LOC400499: variants seen among roughly 807,000 people sequenced by gnomAD.
At chr16:11,481,240 C>CT in the LOC400499 span, among the ~76,000 whole-genome samples, 1 of 152,158 alleles carries the variant, frequency 6.6e-6, no homozygotes, top group Non-Finnish European at 1.5e-5. Context: ...TGCAGTGTCT[C>CT]TTTTGGGGGT....
the LOC400499 span, among the ~76,000 whole-genome samples, chr16:11,452,608 C>A: frequency 3.3e-5 from 5 of 152,238 alleles, no homozygotes; most frequent in South Asian, 1.0e-3. Flanking sequence ...TGCATCTGCC[C>A]AGGCAGGACC....
At chr16:11,498,505 TTAAA>T in the LOC400499 span, among the ~76,000 whole-genome samples, 15 of 151,464 alleles carry the variant, frequency 9.9e-5, no homozygotes, top group Middle Eastern at 3.4e-3. Context: ...GATTAAATAA[TTAAA>T]TAAATAAATA....
the LOC400499 span, among the ~76,000 whole-genome samples, chr16:11,463,573 C>T: frequency 7.9e-5 from 12 of 151,444 alleles, no homozygotes; most frequent in Admixed American, 6.6e-4. Context: ...CGTATGTATA[C>T]GGATGTGTAA....
At chr16:11,518,493 TC>T in the LOC400499 span, among the ~76,000 whole-genome samples, 1 of 151,928 alleles carries the variant, frequency 6.6e-6, no homozygotes, top group Non-Finnish European at 1.5e-5. Context: ...GGCCCGGCAG[TC>T]CCATTAGCCG....
chr16:11,517,040 G>A, the LOC400499 span, among the ~76,000 whole-genome samples: 2 of 152,144 alleles, frequency 1.3e-5, no homozygotes, highest in African/African-American at 4.8e-5. Flanking sequence ...CCTAAAGACA[G>A]ATCCTCCAAA....
At chr16:11,461,109 C>T in the LOC400499 span, 1 of 1,535,122 alleles carries the variant, frequency 6.5e-7, no homozygotes, top group African/African-American at 1.4e-5. Flanking sequence ...CCTCCTTCCT[C>T]TCCAGCAGTG....
chr16:11,432,812 C>A, the LOC400499 span, among the ~76,000 whole-genome samples: 1 of 152,202 alleles, frequency 6.6e-6, no homozygotes, highest in African/African-American at 2.4e-5. Context: ...GCAAATACTA[C>A]TACTTGTTGG....
the LOC400499 span, among the ~76,000 whole-genome samples, chr16:11,497,011 A>C: frequency 1.4e-4 from 21 of 151,296 alleles, no homozygotes; most frequent in South Asian, 4.4e-3. Flanking sequence ...CCTCAGTGTG[A>C]GCCTGCAACA....
chr16:11,483,887 GCT>G, the LOC400499 span, among the ~76,000 whole-genome samples: 346 of 150,716 alleles, frequency 2.3e-3, 3 homozygotes, highest in African/African-American at 8.2e-3. Context: ...AAAAGGACAT[GCT>G]GTGTGATCTA....
chr16:11,377,557 C>G, the LOC400499 span, among the ~76,000 whole-genome samples: 55,009 of 152,108 alleles, frequency 0.36, 10,250 homozygotes, highest in Non-Finnish European at 0.41. Context: ...TCTTCACTAA[C>G]TGAAATAGTC....
chr16:11,488,339 C>CA, the LOC400499 span, among the ~76,000 whole-genome samples: 10 of 150,762 alleles, frequency 6.6e-5, no homozygotes, highest in South Asian at 6.3e-4. Flanking sequence ...TTCTGTCTTC[C>CA]AAAAAAAGCA....
chr16:11,521,631 T>C, the LOC400499 span, among the ~76,000 whole-genome samples: 12 of 152,308 alleles, frequency 7.9e-5, no homozygotes, highest in African/African-American at 2.9e-4. Flanking sequence ...CTTGCAGACA[T>C]GGCTCTCAGT....
the LOC400499 span, among the ~76,000 whole-genome samples, chr16:11,465,745 C>G: frequency 7.1e-6 from 1 of 141,534 alleles, no homozygotes; most frequent in South Asian, 2.2e-4. Flanking sequence ...AGAATAAGAC[C>G]TTGTAAAAGA....
At chr16:11,522,724 G>C in the LOC400499 span, among the ~76,000 whole-genome samples, 1 of 152,196 alleles carries the variant, frequency 6.6e-6, no homozygotes, top group African/African-American at 2.4e-5. Context: ...TTGGGAGTCT[G>C]ACTACTCACC....
the LOC400499 span, among the ~76,000 whole-genome samples, chr16:11,412,411 C>T: frequency 7.2e-5 from 11 of 152,186 alleles, no homozygotes; most frequent in African/African-American, 2.4e-4. Context: ...GGGGGAAACT[C>T]GCCCCTAGGT....
chr16:11,458,510 A>C, the LOC400499 span, among the ~76,000 whole-genome samples: 2 of 151,990 alleles, frequency 1.3e-5, no homozygotes, highest in Non-Finnish European at 2.9e-5. Flanking sequence ...TGTCTCAAAA[A>C]AAAAAAAAAA....
the LOC400499 span, among the ~76,000 whole-genome samples, chr16:11,388,497 G>C: frequency 6.6e-6 from 1 of 152,186 alleles, no homozygotes; most frequent in Non-Finnish European, 1.5e-5. Context: ...CAGCATGGAA[G>C]AAGGAGCTGC....
At chr16:11,502,734 C>T in the LOC400499 span, among the ~76,000 whole-genome samples, 1 of 151,676 alleles carries the variant, frequency 6.6e-6, no homozygotes, top group African/African-American at 2.4e-5. Flanking sequence ...CCCGCCTCAG[C>T]CTCCTGAGTA....
At chr16:11,439,917 C>T in the LOC400499 span, among the ~76,000 whole-genome samples, 9 of 152,116 alleles carry the variant, frequency 5.9e-5, no homozygotes, top group Admixed American at 5.9e-4. Context: ...TTCACAATGA[C>T]CACCTCATTT....
Sources: gnomAD v4.1 joint callset for allele counts (sites outside exome capture counted in the v4.1 genomes callset) on GRCh38, gnomAD v4.1.1 for gene constraint, MANE v1.5 for transcripts.